ARVCF: variants seen among roughly 807,000 people sequenced by gnomAD.
ARVCF encodes splicing regulator ARVCF.
In ARVCF, 66 loss-of-function variants were observed where a neutral mutation model predicts 90.9. That is an observed-to-expected ratio of 0.73 (90% CI 0.60 to 0.89). The LOEUF (loss-of-function observed/expected upper bound fraction) is 0.89, where lower values mean the gene tolerates loss of function less well. Among genes scored for constraint, ARVCF ranks in the 40% least tolerant of loss-of-function variants. The pLI is 0.00. For synonymous variants in ARVCF, 653 were observed against 603.4 expected, an observed-to-expected ratio of 1.08 and a Z score of -1.21; for missense variants, 1,469 against 1,382.3, an observed-to-expected ratio of 1.06 and a Z score of -1.00.
chr22:19,998,427 C>T (rs1420863072), intron 2 of ARVCF, among the ~76,000 whole-genome samples: 1 of 152,174 alleles, frequency 6.6e-6, no homozygotes, highest in Admixed American at 6.5e-5. Flanking sequence ...CAGGGCCCGC[C>T]GGCCCAGCCC....
At chr22:20,004,299 G>A (rs562799964) in intron 2 of ARVCF, among the ~76,000 whole-genome samples, 2 of 152,144 alleles carry the variant, frequency 1.3e-5, no homozygotes, top group South Asian at 4.2e-4. Flanking sequence ...CTACTGAAAG[G>A]GATCTACAGA....
In ARVCF at chr22:19,981,421, A is replaced by G; in HGVS notation, c.686T>C (p.Leu229Pro). 6.4e-7 allele frequency: 1 copy of G among 1,573,644 alleles called. No individual in the cohort carries two copies. Among genetic ancestry groups the G allele is most frequent in the Non-Finnish European group, 8.6e-7 (1 of 1,162,092 alleles). The change falls in exon 5 of 20, where the codon CTG becomes CCG. Residue 229 changes from leucine (L) to proline (P), a missense_variant. By Grantham distance (98) the Leu-to-Pro change is moderately conservative. Transcript: ENST00000263207. ...CGGGAAGGCTTCCCGGTGGCCAGGC[A>G]GTGTGAAGCAGCCATCACCAGGGCC... Reference protein sequence around the residue: ...GPGPGDGCFTLPGHREAFPVG... With the variant: ...GPGPGDGCFTPPGHREAFPVG...
In ARVCF at chr22:19,981,614, G is replaced by A. The variant is rs370509242; in HGVS notation, c.493C>T (p.Arg165Trp). ...LGPFADGALDRHFLLRGGGPV... is the reference protein window; with the variant it reads ...LGPFADGALDWHFLLRGGGPV... ...CCACCACCACGCAGCAGGAAATGCCGGTCCAGGGCACCATCTGCAAAAGGG... is the reference window on the plus strand; with the variant it reads ...CCACCACCACGCAGCAGGAAATGCCAGTCCAGGGCACCATCTGCAAAAGGG... The change falls in exon 5 of 20, where the codon CGG becomes TGG. Residue 165 changes from arginine (R) to tryptophan (W), a missense_variant. Arg to Trp is a moderately radical substitution (Grantham distance 101). Transcript: ENST00000263207. The A allele has an allele frequency of 2.2e-4, 347 of 1,607,850 alleles. No homozygotes were observed. The highest frequency in any genetic ancestry group is 3.0e-4 in the South Asian group (27 of 91,002).
downstream of ARVCF, among the ~76,000 whole-genome samples, chr22:19,968,081 CCCA>C (rs1236376984): frequency 2.0e-5 from 3 of 152,150 alleles, no homozygotes; most frequent in Non-Finnish European, 4.4e-5. Flanking sequence ...GGAGGTCTGC[CCCA>C]CCTCAGCCCT....
chr22:20,007,740 G>T (rs182741349), intron 2 of ARVCF, among the ~76,000 whole-genome samples: 1 of 152,308 alleles, frequency 6.6e-6, no homozygotes, highest in East Asian at 1.9e-4. Context: ...CACCTCCTGG[G>T]GGATGTAGCG....
intron 8 of ARVCF, 128 bp from the exon 9 acceptor site, chr22:19,977,714 G>A (rs1436659241): frequency 3.1e-6 from 4 of 1,306,338 alleles, no homozygotes; most frequent in East Asian, 5.2e-5. Flanking sequence ...TCAGTGGAGG[G>A]GAGCAAAAGG....
At chr22:19,982,235 C>T in intron 3 of ARVCF, 144 bp from the exon 4 acceptor site, 1 of 1,159,494 alleles carries the variant, frequency 8.6e-7, no homozygotes, top group Non-Finnish European at 1.2e-6. Context: ...CCACCCACCC[C>T]AAGGCCTGTT....
At chr22:19,974,391 A>G in intron 11 of ARVCF, 152 bp from the exon 12 acceptor site, 1 of 925,092 alleles carries the variant, frequency 1.1e-6, no homozygotes, top group Non-Finnish European at 1.5e-6. Flanking sequence ...CTATCAACAT[A>G]TAGTCACCCA....
At chr22:19,994,093 G>A (rs531775502) in intron 2 of ARVCF, among the ~76,000 whole-genome samples, 1 of 152,314 alleles carries the variant, frequency 6.6e-6, no homozygotes, top group African/African-American at 2.4e-5. Context: ...TGGACAGACA[G>A]ATGGATACAG....
chr22:19,966,429 TC>T (rs1200619378), downstream of ARVCF, among the ~76,000 whole-genome samples: 98 of 112,306 alleles, frequency 8.7e-4, no homozygotes, highest in African/African-American at 3.5e-3. Flanking sequence ...AGGAATGAGT[TC>T]CCCCTTAAAA....
intron 3 of ARVCF, among the ~76,000 whole-genome samples, chr22:19,988,458 G>A (rs1943903886): frequency 6.6e-6 from 1 of 152,252 alleles, no homozygotes. Context: ...CGAGCCCAAG[G>A]CAAGTTCCCT....
intron 1 of ARVCF, among the ~76,000 whole-genome samples, chr22:20,011,202 A>T (rs1380601338): frequency 1.3e-5 from 2 of 152,194 alleles, no homozygotes; most frequent in African/African-American, 2.4e-5. Context: ...TCCTCAGGGG[A>T]GGACCCTGCG....
At position 19,981,365 on chromosome 22, in the gene ARVCF, G is replaced by A. The variant is rs371762418; in HGVS notation, c.742C>T (p.Arg248Cys). ...GCCTGGAAGCGCTCGGGCAGGGAGC[G>A]GCCACCTGGTGGCCCAGGCTCAGGA... ...VGPEPGPPGG[R>C]SLPERFQAEP... The change falls in exon 5 of 20, where the codon CGC (arginine) becomes TGC (cysteine). Residue 248 changes from arginine (R) to cysteine (C), a missense_variant. Physicochemically the swap from Arg to Cys is radical, Grantham distance 180 (BLOSUM62 -3). Coordinates refer to ENST00000263207, the MANE Select transcript of ARVCF (RefSeq NM_001670.3). 117 of 1,603,954 alleles carry A rather than the reference G, an allele frequency of 7.3e-5. No individual in the cohort carries two copies. The highest frequency in any genetic ancestry group is 3.3e-4 in the Middle Eastern group (2 of 6,070).
rs1302153545 is a variant in ARVCF at position 19,976,729 on chromosome 22, A to C, written c.1871-6T>G. On this transcript the variant is annotated splice_region_variant and splice_polypyrimidine_tract_variant and intron_variant, in intron 9 of 19. Coordinates refer to ENST00000263207, the MANE Select transcript of ARVCF (RefSeq NM_001670.3). ...ACCTTGGTGGAACCACTCCTCTGGG[A>C]GGCCGGAGGAAGCAGAGGAGAGAGG... 1.3e-6 allele frequency: 2 copies of C among 1,560,394 alleles called. No individual in the cohort carries two copies. The highest frequency in any genetic ancestry group is 3.9e-5 in the Admixed American group (2 of 51,580).
At chr22:19,967,101 C>A, downstream of ARVCF, 12 of 1,267,830 alleles carry the variant, frequency 9.5e-6, no homozygotes, top group Non-Finnish European at 1.2e-5. Context: ...CCCTGGCAGC[C>A]TCCAAAGGTG....
chr22:19,972,087 C>T, intron 17 of ARVCF, 116 bp from the exon 18 acceptor site: 1 of 1,020,132 alleles, frequency 9.8e-7, no homozygotes, highest in Non-Finnish European at 1.4e-6. Flanking sequence ...TGGGAGACAG[C>T]CCCCACCCAC....
chr22:20,010,298 C>T (rs1391744554), intron 2 of ARVCF, among the ~76,000 whole-genome samples, 157 bp downstream of exon 2: 1 of 152,218 alleles, frequency 6.6e-6, no homozygotes, highest in Non-Finnish European at 1.5e-5. Flanking sequence ...CCACCCTGTC[C>T]AGCCCAGGGG....
At chr22:19,968,739 G>A (rs762226319), downstream of ARVCF, 4 of 1,595,164 alleles carry the variant, frequency 2.5e-6, no homozygotes, top group Non-Finnish European at 3.4e-6. Flanking sequence ...GGCCCTGACT[G>A]CCCCCCCGGC....
chr22:19,973,312 A>G lies in ARVCF; in HGVS notation c.2245T>C (p.Tyr749His). The change falls in exon 14 of 20, where the codon TAC becomes CAC. Residue 749 changes from tyrosine to histidine, a missense_variant. Physicochemically the swap from Tyr to His is moderately conservative, Grantham distance 83. Transcript: ENST00000263207. ...TTCCGCACAAGCTCAGCCATGGCGT[A>G]GCTCCCTGAGGGGCAGGACTAGGTG... ...DRRNKDLIGS[Y>H]AMAELVRNVR... 1 of 1,596,346 alleles carries G rather than the reference A, an allele frequency of 6.3e-7. No individual in the cohort carries two copies. The highest frequency in any genetic ancestry group is 8.5e-7 in the Non-Finnish European group (1 of 1,176,034).
Sources: allele counts gnomAD v4.1 joint callset (sites outside exome capture counted in the v4.1 genomes callset), GRCh38; gene constraint gnomAD v4.1.1; transcripts MANE v1.5; gene names NCBI Gene and HGNC (gene_info 2026-07-23, HGNC 2026-07-21).